The following MGST1 variants were observed in gnomAD, a reference collection of about 807,000 sequenced individuals.
The protein encoded by MGST1 is glutathione S-transferase 12.
Under a neutral mutation model 8.9 loss-of-function variants are expected in MGST1, and 5 were observed. That is an observed-to-expected ratio of 0.56 (90% confidence interval 0.29 to 1.19). The LOEUF (loss-of-function observed/expected upper bound fraction) is 1.19. Among genes scored for constraint, MGST1 ranks in the 50% most tolerant of loss-of-function variants. MGST1 has a pLI of 0.08. For synonymous variants in MGST1, 54 were observed against 67.8 expected, an observed-to-expected ratio of 0.80 and a Z score of 1.00; for missense variants, 182 against 187.4, an observed-to-expected ratio of 0.97 and a Z score of 0.17.
In MGST1 at chr12:16,401,105, C is replaced by T. The variant is rs1443256197; in HGVS notation, n.778+17501C>T. ...TCTGCCTCATCTTTCTCCTCCTCCT[C>T]CTTTTCCTCATCTTCGTTCCTTAGG... On this transcript the variant is annotated intron_variant and non_coding_transcript_variant, in intron 1 of 1. Coordinates refer to the MGST1 transcript ENST00000359720. The surrounding 1 kb of genome is among the most constrained non-coding windows in gnomAD (Gnocchi z 4.3). 6.3e-7 allele frequency: 1 copy of T among 1,582,914 alleles called. No homozygotes were observed. Among genetic ancestry groups the T allele is most frequent in the Non-Finnish European group, 8.7e-7 (1 of 1,152,336 alleles).
intron 1 of MGST1, among the ~76,000 whole-genome samples, chr12:16,429,185 A>C (rs1053587310): frequency 1.3e-5 from 2 of 152,050 alleles, no homozygotes; most frequent in Non-Finnish European, 2.9e-5. Context: ...TGTGCCTTGC[A>C]CTTCTGAATC....
chr12:16,405,681 G>A (rs181285440), intron 1 of MGST1, among the ~76,000 whole-genome samples: 4 of 151,164 alleles, frequency 2.6e-5, no homozygotes, highest in South Asian at 2.1e-4. Flanking sequence ...CTAGCAAACC[G>A]AATCCAACAG....
intron 1 of MGST1, among the ~76,000 whole-genome samples, chr12:16,416,449 A>G (rs1182751173): frequency 2.0e-5 from 3 of 152,164 alleles, no homozygotes; most frequent in Non-Finnish European, 4.4e-5. Context: ...GGCTTAAACA[A>G]CAGAAACTTA....
intron 2 of MGST1, among the ~76,000 whole-genome samples, chr12:16,355,242 T>G (rs1591693427): frequency 1.4e-5 from 2 of 147,326 alleles, no homozygotes; most frequent in South Asian, 4.4e-4. Flanking sequence ...GGAGTCTCAC[T>G]CTGTTGCCCA....
At chr12:16,480,761 T>G (rs904844501) in intron 4 of MGST1, among the ~76,000 whole-genome samples, 29 of 152,106 alleles carry the variant, frequency 1.9e-4, no homozygotes, top group African/African-American at 6.5e-4. Flanking sequence ...CACATATTTT[T>G]TTTGTTTGTT....
At chr12:16,395,661 C>T (rs1940597190) in intron 1 of MGST1, among the ~76,000 whole-genome samples, 1 of 150,996 alleles carries the variant, frequency 6.6e-6, no homozygotes, top group Admixed American at 6.6e-5. Context: ...TGAGTGAGAA[C>T]ATAAAATATT....
chr12:16,376,296 C>T, exon 4 of MGST1: 1 of 485,706 alleles, frequency 2.1e-6, no homozygotes, highest in Non-Finnish European at 3.6e-6. Context: ...AAAGATTATC[C>T]ACGGCTGTTA....
chr12:16,375,913 AAATG>A (rs769036364), intron 3 of MGST1, among the ~76,000 whole-genome samples: 2 of 152,018 alleles, frequency 1.3e-5, no homozygotes, highest in East Asian at 3.9e-4. Flanking sequence ...ACTCTAGACT[AAATG>A]AATACGCTCC....
intron 4 of MGST1, among the ~76,000 whole-genome samples, chr12:16,462,507 A>G (rs1184105526): frequency 3.3e-5 from 5 of 151,768 alleles, no homozygotes; most frequent in Non-Finnish European, 7.4e-5. Context: ...TTTAGAATGT[A>G]TAAATGCATT....
chr12:16,499,242 T>C (rs1404940001), intron 4 of MGST1, among the ~76,000 whole-genome samples: 3 of 152,236 alleles, frequency 2.0e-5, no homozygotes, highest in African/African-American at 7.2e-5. Context: ...ATGCATAAAA[T>C]TATTCACTTC....
Position 16,513,707 on chromosome 12 carries a change from C to T in MGST1, n.483-75821C>T, listed in dbSNP as rs1231637009. 2 of 553,728 alleles carry T rather than the reference C, an allele frequency of 3.6e-6. No individual in the cohort carries two copies. The highest frequency in any genetic ancestry group is 1.9e-5 in the African/African-American group (1 of 52,662). The allele number at this position is 553,728 out of a possible 1,614,324, so 34.3% of individuals were successfully genotyped here. A position where few individuals can be genotyped will look rare whatever the true frequency, so the allele number is the denominator to read the frequency against. Reference sequence around the variant, plus strand: ...CGGCTGGCTGAATTTTGCAAGGCATCTGCAGAAGTAGCCTTGGGCGAGAAT... The same window carrying T: ...CGGCTGGCTGAATTTTGCAAGGCATTTGCAGAAGTAGCCTTGGGCGAGAAT... On this transcript the variant is annotated intron_variant and non_coding_transcript_variant, in intron 4 of 4. Coordinates refer to the MGST1 transcript ENST00000538857. The surrounding 1 kb of genome is among the most constrained non-coding windows in gnomAD (Gnocchi z 4.2).
At chr12:16,404,333 T>C (rs1224946663) in intron 1 of MGST1, among the ~76,000 whole-genome samples, 1 of 152,148 alleles carries the variant, frequency 6.6e-6, no homozygotes, top group Non-Finnish European at 1.5e-5. Context: ...CATTATGTGT[T>C]AGATCTATTT....
chr12:16,558,743 A>T (rs190125069), intron 4 of MGST1, among the ~76,000 whole-genome samples: 177 of 152,286 alleles, frequency 1.2e-3, no homozygotes, highest in African/African-American at 3.9e-3. Context: ...ACATTTAGCA[A>T]GAAACACTAT....
chr12:16,514,078 G>A, intron 4 of MGST1: 1 of 376,152 alleles, frequency 2.7e-6, no homozygotes, highest in South Asian at 2.5e-5. Context: ...AGCAACAGTG[G>A]TGAAGAAAAC....
intron 4 of MGST1, among the ~76,000 whole-genome samples, chr12:16,452,261 G>A (rs1941134628): frequency 6.6e-6 from 1 of 151,734 alleles, no homozygotes; most frequent in Non-Finnish European, 1.5e-5. Context: ...ACATCCCTGT[G>A]TCATATATTG....
Position 16,546,630 on chromosome 12 carries a change from G to A in MGST1, n.483-42898G>A, listed in dbSNP as rs1941826492. 6.6e-6 allele frequency among the ~76,000 whole-genome samples: 1 copy of A among 152,096 alleles called. No homozygotes were observed. The highest frequency in any genetic ancestry group is 6.6e-5 in the Admixed American group (1 of 15,242). ...ATTAAAAACATTTTTAAAAAGTTCAGTGTGTGTAATTGTTAACACCTGCTA... is the reference window on the plus strand; with the variant it reads ...ATTAAAAACATTTTTAAAAAGTTCAATGTGTGTAATTGTTAACACCTGCTA... On this transcript the variant is annotated intron_variant and non_coding_transcript_variant, in intron 4 of 4. Coordinates refer to the MGST1 transcript ENST00000538857. This position sits in a 1 kb window ranked among gnomAD's most constrained non-coding sequence, Gnocchi z 4.7.
chr12:16,386,423 C>G (rs1432679822), intron 1 of MGST1, among the ~76,000 whole-genome samples: 4 of 152,096 alleles, frequency 2.6e-5, no homozygotes, highest in Non-Finnish European at 5.9e-5. Flanking sequence ...ATGGCAATGC[C>G]GAAAATTACT....
At chr12:16,394,895 C>A (rs1256347525) in intron 1 of MGST1, among the ~76,000 whole-genome samples, 1 of 151,998 alleles carries the variant, frequency 6.6e-6, no homozygotes, top group African/African-American at 2.4e-5. Flanking sequence ...CTGCACCTGG[C>A]CTTATTCATG....
intron 4 of MGST1, among the ~76,000 whole-genome samples, chr12:16,487,575 G>C (rs903782363): frequency 2.0e-5 from 3 of 152,214 alleles, no homozygotes; most frequent in Non-Finnish European, 2.9e-5. Flanking sequence ...AAAGGGTAAA[G>C]GCAGTAATAT....
Sources: allele counts gnomAD v4.1 joint callset (sites outside exome capture counted in the v4.1 genomes callset), GRCh38; gene constraint gnomAD v4.1.1; non-coding constraint Gnocchi (gnomAD v3.1); transcripts MANE v1.5; gene names NCBI Gene and HGNC (gene_info 2026-07-23, HGNC 2026-07-21).